The following FARP1 variants were observed in gnomAD, a reference collection of about 807,000 sequenced individuals.
FARP1 encodes the protein FERM, ARHGEF and pleckstrin domain-containing protein 1.
A neutral mutation model predicts 128.8 loss-of-function variants in FARP1; 52 were observed. That is an observed-to-expected ratio of 0.40 (90% confidence interval 0.32 to 0.51). The LOEUF (loss-of-function observed/expected upper bound fraction) is 0.51, where lower values mean the gene tolerates loss of function less well. Among genes scored for constraint, FARP1 ranks in the 20% least tolerant of loss-of-function variants. The pLI, the probability that FARP1 is intolerant of heterozygous loss-of-function variation, is 0.45. For missense variants in FARP1, 1,333 were observed against 1,367.9 expected (o/e 0.97, Z 0.40); for synonymous variants, 580 against 551.8 (o/e 1.05, Z -0.72).
Position 98,176,500 on chromosome 13 carries a change from C to T in FARP1, c.-24+33008C>T. 4 of 1,614,226 alleles carry T rather than the reference C, an allele frequency of 2.5e-6. No individual in the cohort carries two copies. Among genetic ancestry groups the T allele is most frequent in the Non-Finnish European group, 3.4e-6 (4 of 1,180,032 alleles). The stretch of plus-strand genomic sequence containing the variant: ...GAATGGTATTTCCTCTTCCTCGCTT[C>T]CCACTTCATGGTTTTCGTCCTCGCA... On this transcript the variant is annotated intron_variant, in intron 1 of 26. Transcript: ENST00000319562. This position sits in a 1 kb window ranked among gnomAD's most constrained non-coding sequence, Gnocchi z 6.2.
chr13:98,376,760 T>TG (rs1491476709), intron 5 of FARP1, among the ~76,000 whole-genome samples: 2 of 9,322 alleles, frequency 2.1e-4, no homozygotes, highest in South Asian at 2.3e-3. Context: ...GTTTTTTGTG[T>TG]TTTTTTTTTT....
intron 24 of FARP1, among the ~76,000 whole-genome samples, chr13:98,443,539 C>T (rs1892617893): frequency 6.6e-6 from 1 of 152,242 alleles, no homozygotes; most frequent in Non-Finnish European, 1.5e-5. Context: ...TCTCCCCAGT[C>T]CCGTGCCCAG....
At chr13:98,200,314 C>A (rs868069860) in intron 1 of FARP1, among the ~76,000 whole-genome samples, 1 of 151,930 alleles carries the variant, frequency 6.6e-6, no homozygotes, top group Non-Finnish European at 1.5e-5. Context: ...TTTACGGAGA[C>A]CCTCAGAAGT....
chr13:98,155,686 T>G (rs1221794794), intron 1 of FARP1, among the ~76,000 whole-genome samples: 1 of 152,010 alleles, frequency 6.6e-6, no homozygotes, highest in Non-Finnish European at 1.5e-5. Context: ...ACCTCACTAA[T>G]TTTTGTATTT....
chr13:98,430,668 T>G (rs192603368), intron 17 of FARP1, among the ~76,000 whole-genome samples: 1 of 152,210 alleles, frequency 6.6e-6, no homozygotes, highest in African/African-American at 2.4e-5. Flanking sequence ...CTGGGCTGTT[T>G]GTTATCTGAA....
intron 2 of FARP1, among the ~76,000 whole-genome samples, chr13:98,230,236 C>A (rs1594297975): frequency 6.6e-6 from 1 of 152,182 alleles, no homozygotes; most frequent in Admixed American, 6.5e-5. Flanking sequence ...GAGGTTTTGG[C>A]ATCTTTGAAC....
chr13:98,390,108 C>T lies in FARP1; in HGVS notation c.1007C>T (p.Ser336Leu). ...PKPVLFSRGS[S>L]FRFSGRTQKQ... ...CCCGTCCTCTTTAGCCGGGGGTCAT[C>T]ATTTCGGTTCAGGTGAGGTCGCCAC... Residue 336 changes from serine to leucine, a missense_variant, in exon 10 of 27, where the codon TCA becomes TTA. Physicochemically the swap from Ser to Leu is moderately radical, Grantham distance 145. Coordinates refer to ENST00000319562, the MANE Select transcript of FARP1 (RefSeq NM_005766.4). The T allele has an allele frequency of 2.5e-6, 4 of 1,613,640 alleles. No individual in the cohort carries two copies. The highest frequency in any genetic ancestry group is 3.4e-6 in the Non-Finnish European group (4 of 1,179,892).
At chr13:98,211,064 C>T (rs2139316647) in intron 1 of FARP1, among the ~76,000 whole-genome samples, 1 of 152,256 alleles carries the variant, frequency 6.6e-6, no homozygotes, top group African/African-American at 2.4e-5. Context: ...GTACCATCCT[C>T]AGGCTCATTT....
chr13:98,238,830 G>A (rs1882599355), intron 2 of FARP1, among the ~76,000 whole-genome samples: 1 of 152,090 alleles, frequency 6.6e-6, no homozygotes, highest in African/African-American at 2.4e-5. Flanking sequence ...TCAACAATAG[G>A]CTATGAGTAG....
chr13:98,207,458 G>A (rs569653008), intron 1 of FARP1, among the ~76,000 whole-genome samples: 32 of 152,208 alleles, frequency 2.1e-4, no homozygotes, highest in African/African-American at 6.5e-4. Flanking sequence ...GGTAGGACAA[G>A]GAGAAGATAT....
intron 1 of FARP1, among the ~76,000 whole-genome samples, chr13:98,175,022 GC>G (rs1877902024): frequency 6.6e-6 from 1 of 152,126 alleles, no homozygotes; most frequent in Non-Finnish European, 1.5e-5. Flanking sequence ...GGAAAGTTTT[GC>G]CGAAGTTCGC....
intron 2 of FARP1, among the ~76,000 whole-genome samples, chr13:98,334,969 A>G (rs1205375972): frequency 2.6e-5 from 4 of 152,202 alleles, no homozygotes; most frequent in Non-Finnish European, 5.9e-5. Flanking sequence ...ACCTGAGCAT[A>G]CTAAGTCATC....
chr13:98,178,189 A>ATTTTTTTTTTTTTTTTTTTTTTTTTTTTT (rs57310501), intron 1 of FARP1, among the ~76,000 whole-genome samples: 1 of 112,990 alleles, frequency 8.9e-6, no homozygotes, highest in Non-Finnish European at 1.8e-5. Context: ...ATCATTTTTA[A>ATTTTTTTTTTTTTTTTTTTTTTTTTTTTT]TTTTTTTTTT....
intron 3 of FARP1, among the ~76,000 whole-genome samples, chr13:98,346,739 C>T (rs1348343164): frequency 6.6e-6 from 1 of 151,756 alleles, no homozygotes; most frequent in African/African-American, 2.4e-5. Flanking sequence ...AGTGAGATTC[C>T]ATCTCAAAAA....
rs1391306306 is a variant in FARP1, at chr13:98,454,136, G to A, written c.*5819G>A. 1.3e-5 allele frequency: 2 copies of A among 152,174 alleles called. No homozygotes were observed. The highest frequency in any genetic ancestry group is 2.4e-5 in the African/African-American group (1 of 41,428). The allele number at this position is 152,174 out of a possible 1,614,324, so 9.4% of individuals were successfully genotyped here. A position where few individuals can be genotyped will look rare whatever the true frequency, so the allele number is the denominator to read the frequency against. On this transcript the variant is annotated 3_prime_UTR_variant, in exon 27 of 27. Transcript: ENST00000319562. ...ATAGAAATTCTAAAAAATCTTCTTT[G>A]CACTATAAGGTAGATAAGAGAATTC...
chr13:98,447,364 C>T (rs1892912871), intron 26 of FARP1: 1 of 152,570 alleles, frequency 6.6e-6, no homozygotes, highest in Non-Finnish European at 1.5e-5. Flanking sequence ...AAAAAGGAAC[C>T]TAGAGGAGAG....
At chr13:98,194,098 T>C (rs1879415781) in intron 1 of FARP1, among the ~76,000 whole-genome samples, 1 of 151,944 alleles carries the variant, frequency 6.6e-6, no homozygotes, top group South Asian at 2.1e-4. Context: ...TACACCATTT[T>C]ATTTTATTTT....
At chr13:98,151,430 A>G (rs1875989042) in intron 1 of FARP1, among the ~76,000 whole-genome samples, 1 of 152,056 alleles carries the variant, frequency 6.6e-6, no homozygotes, top group South Asian at 2.1e-4. Context: ...TATTCTCCTT[A>G]GTTTCTGGGC....
chr13:98,320,074 C>T (rs1395561549), intron 2 of FARP1, among the ~76,000 whole-genome samples: 2 of 152,146 alleles, frequency 1.3e-5, no homozygotes, highest in Non-Finnish European at 2.9e-5. Context: ...GTCAGACACC[C>T]TGTCTGTTTT....
Sources: gnomAD v4.1 joint callset for allele counts (sites outside exome capture counted in the v4.1 genomes callset) on GRCh38, gnomAD v4.1.1 for gene constraint, Gnocchi (gnomAD v3.1) non-coding constraint, MANE v1.5 for transcripts, NCBI Gene and HGNC (gene_info 2026-07-23, HGNC 2026-07-21) for gene names.